Variants in VDR observed in about 807,000 individuals in gnomAD.
The protein encoded by VDR is vitamin D3 receptor.
Under a neutral mutation model 39.7 loss-of-function variants are expected in VDR, and 19 were observed. The observed-to-expected ratio is 0.48, with a 90% confidence interval of 0.33 to 0.70. The LOEUF (loss-of-function observed/expected upper bound fraction) is 0.70. Among genes scored for constraint, VDR ranks in the 30% least tolerant of loss-of-function variants. The probability of loss-of-function intolerance (pLI) is 0.02; values close to 1 mark genes in which losing one functional copy is unlikely to be tolerated. For synonymous variants in VDR, 242 were observed against 215.8 expected (o/e 1.12, Z -1.07); for missense variants, 442 against 570.5 (o/e 0.77, Z 2.29).
chr12:47,897,824 C>T (rs887420048), intron 1 of VDR, among the ~76,000 whole-genome samples: 16 of 152,202 alleles, frequency 1.1e-4, no homozygotes, highest in Admixed American at 7.2e-4. Flanking sequence ...CCAGTAGAGA[C>T]TACTAAACTT....
intron 1 of VDR, chr12:47,898,897 G>A (rs1328433366): frequency 6.5e-6 from 1 of 153,702 alleles, no homozygotes; most frequent in Non-Finnish European, 1.5e-5. Flanking sequence ...ACTTTGGGGT[G>A]GGGAGTAAGG....
Position 47,886,453 on chromosome 12 carries a change from T to C in VDR, c.-83-3679A>G, listed in dbSNP as rs143558555. Among the ~76,000 whole-genome samples the C allele has an allele frequency of 1.8e-3, 267 of 152,300 alleles. 1 individual carries two copies. The highest frequency in any genetic ancestry group is 2.2e-3 in the Non-Finnish European group (150 of 68,018). ...CCATCCCCACCATGTATCCATTTTC[T>C]TTGTCCAGAACAGTCTCAGTACCTC... is the stretch of plus-strand genomic sequence containing the variant. On this transcript the variant is annotated intron_variant, in intron 1 of 9. Coordinates refer to ENST00000549336, the MANE Select transcript of VDR (RefSeq NM_000376.3).
chr12:47,859,357 C>T (rs907459230), intron 4 of VDR, among the ~76,000 whole-genome samples: 3 of 152,204 alleles, frequency 2.0e-5, no homozygotes, highest in Admixed American at 6.5e-5. Flanking sequence ...TAAAGTTGGC[C>T]TCTTCCTAAC....
At chr12:47,857,731 C>T in intron 4 of VDR, 43 bp from the exon 5 acceptor site, 2 of 1,602,580 alleles carry the variant, frequency 1.2e-6, no homozygotes, top group East Asian at 2.2e-5. Context: ...GCCAGCAGCT[C>T]CTCCAGGAAA....
At chr12:47,869,226 C>A (rs374027707) in intron 3 of VDR, among the ~76,000 whole-genome samples, 1 of 152,156 alleles carries the variant, frequency 6.6e-6, no homozygotes. Context: ...TGCCTGACAA[C>A]AGGAATGAGG....
chr12:47,880,331 A>T (rs1353302626), intron 2 of VDR, among the ~76,000 whole-genome samples: 1 of 152,044 alleles, frequency 6.6e-6, no homozygotes, highest in Non-Finnish European at 1.5e-5. Flanking sequence ...CTTTTCAATG[A>T]CTAGGCCCAT....
chr12:47,865,570 C>G (rs1945713956), intron 3 of VDR, among the ~76,000 whole-genome samples: 1 of 152,014 alleles, frequency 6.6e-6, no homozygotes, highest in African/African-American at 2.4e-5. Flanking sequence ...TACCACCATG[C>G]CTGGCTAATT....
At chr12:47,847,265 A>G (rs1319225626) in intron 7 of VDR, among the ~76,000 whole-genome samples, 1 of 151,996 alleles carries the variant, frequency 6.6e-6, no homozygotes, top group African/African-American at 2.4e-5. Flanking sequence ...CAAGCCCGTG[A>G]TCTTATTCCC....
At chr12:47,865,904 A>C (rs1311491766) in intron 3 of VDR, among the ~76,000 whole-genome samples, 1 of 150,026 alleles carries the variant, frequency 6.7e-6, no homozygotes, top group Non-Finnish European at 1.5e-5. Flanking sequence ...TTTAGTAGAA[A>C]TGGGGTTTCA....
intron 3 of VDR, among the ~76,000 whole-genome samples, chr12:47,870,660 C>T (rs1471914408): frequency 6.6e-6 from 1 of 152,206 alleles, no homozygotes; most frequent in Non-Finnish European, 1.5e-5. Flanking sequence ...TTGGGCCTTT[C>T]TCCAGTAGGT....
intron 3 of VDR, among the ~76,000 whole-genome samples, chr12:47,877,379 T>C (rs955481803): frequency 3.3e-5 from 5 of 152,206 alleles, no homozygotes; most frequent in African/African-American, 9.7e-5. Flanking sequence ...ACTGAAAAAG[T>C]GTTTTTCAAA....
intron 3 of VDR, among the ~76,000 whole-genome samples, chr12:47,872,022 G>C (rs764273358): frequency 6.6e-6 from 1 of 152,180 alleles, no homozygotes; most frequent in Non-Finnish European, 1.5e-5. Flanking sequence ...CTAAGAATTG[G>C]GTTGAATAGG....
intron 7 of VDR, among the ~76,000 whole-genome samples, chr12:47,848,066 AT>A (rs914906737): frequency 1.3e-5 from 2 of 151,458 alleles, no homozygotes; most frequent in African/African-American, 4.9e-5. Flanking sequence ...TGGCCAGCTA[AT>A]TTTTTTTTGT....
At chr12:47,885,459 G>A (rs551789738) in intron 1 of VDR, among the ~76,000 whole-genome samples, 2 of 152,208 alleles carry the variant, frequency 1.3e-5, no homozygotes, top group Admixed American at 6.5e-5. Context: ...GGGCCATCTC[G>A]CCTACGGCAG....
chr12:47,871,301 T>TCTTTCTTCCTTTCTTTCTTC (rs1167787738), intron 3 of VDR, among the ~76,000 whole-genome samples: 11 of 115,496 alleles, frequency 9.5e-5, no homozygotes, highest in African/African-American at 3.3e-4. Flanking sequence ...TCTCTTTCTT[T>TCTTTCTTCCTTTCTTTCTTC]CTTTCTTTCT....
intron 3 of VDR, among the ~76,000 whole-genome samples, chr12:47,873,665 G>A (rs535222205): frequency 1.3e-5 from 2 of 151,324 alleles, no homozygotes; most frequent in South Asian, 2.1e-4. Flanking sequence ...CCGGCCACCT[G>A]TTTTCTTTAT....
At chr12:47,888,887 CA>C (rs1946310232) in intron 1 of VDR, among the ~76,000 whole-genome samples, 1 of 152,034 alleles carries the variant, frequency 6.6e-6, no homozygotes, top group Admixed American at 6.5e-5. Context: ...TTCTATTCCC[CA>C]AAAGCTAGGA....
intron 2 of VDR, among the ~76,000 whole-genome samples, chr12:47,882,093 GAAC>G (rs1946161322): frequency 6.6e-6 from 1 of 152,190 alleles, no homozygotes; most frequent in Non-Finnish European, 1.5e-5. Flanking sequence ...CAAGCGAGTG[GAAC>G]AACATACTAC....
intron 7 of VDR, among the ~76,000 whole-genome samples, chr12:47,855,111 C>T (rs781314878): frequency 6.6e-6 from 1 of 152,134 alleles, no homozygotes; most frequent in Non-Finnish European, 1.5e-5. Context: ...GGTTGGATCA[C>T]GAGGTCAGGT....
Sources: gnomAD v4.1 joint callset for allele counts (sites outside exome capture counted in the v4.1 genomes callset) on GRCh38, gnomAD v4.1.1 for gene constraint, MANE v1.5 for transcripts, NCBI Gene and HGNC (gene_info 2026-07-23, HGNC 2026-07-21) for gene names.